Variants in MGRN1 observed in about 807,000 individuals in gnomAD.
MGRN1 encodes mahogunin ring finger 1.
In MGRN1, 29 loss-of-function variants were observed where a neutral mutation model predicts 69.2. That is an observed-to-expected ratio of 0.42 (90% CI 0.31 to 0.57). The LOEUF (loss-of-function observed/expected upper bound fraction) is 0.57, where lower values mean the gene tolerates loss of function less well. Ranked by LOEUF, MGRN1 falls within the 20% of genes least tolerant of loss-of-function variation. The probability of loss-of-function intolerance (pLI) is 0.15; values close to 1 mark genes in which losing one functional copy is unlikely to be tolerated. For synonymous variants in MGRN1, 470 were observed against 344.2 expected, an observed-to-expected ratio of 1.37 and a Z score of -4.04; for missense variants, 998 against 796.2, an observed-to-expected ratio of 1.25 and a Z score of -3.05.
chr16:4,683,735 C>T (rs1436350461), intron 15 of MGRN1, 108 bp from the exon 16 acceptor site: 1 of 924,784 alleles, frequency 1.1e-6, no homozygotes. Flanking sequence ...CTGGGGTCCC[C>T]ACAGTGGCTA....
chr16:4,635,898 C>T (rs1020690895), intron 1 of MGRN1, among the ~76,000 whole-genome samples: 4 of 150,738 alleles, frequency 2.7e-5, no homozygotes, highest in South Asian at 2.1e-4. Context: ...CTGCCTGCCT[C>T]AGCCTCCAGA....
chr16:4,681,410 A>G, intron 12 of MGRN1, 140 bp from the exon 13 acceptor site: 1 of 739,114 alleles, frequency 1.4e-6, no homozygotes, highest in African/African-American at 1.8e-5. Context: ...CGGTGCTGCC[A>G]GGGAGCTCTT....
intron 1 of MGRN1, among the ~76,000 whole-genome samples, chr16:4,632,947 G>T (rs1833511856): frequency 6.6e-6 from 1 of 152,166 alleles, no homozygotes; most frequent in Admixed American, 6.5e-5. Flanking sequence ...TCTGGGTGTG[G>T]TGGCGTCCAC....
intron 1 of MGRN1, among the ~76,000 whole-genome samples, chr16:4,626,521 C>G (rs1019158985): frequency 2.0e-5 from 3 of 152,192 alleles, no homozygotes; most frequent in African/African-American, 7.2e-5. Context: ...CAGAACCACA[C>G]CTGGCTCAGA....
chr16:4,647,841 G>A (rs1567186669), intron 1 of MGRN1, among the ~76,000 whole-genome samples: 1 of 152,058 alleles, frequency 6.6e-6, no homozygotes, highest in Non-Finnish European at 1.5e-5. Context: ...GGGTTAGGTG[G>A]GGCTGCGGCT....
intron 1 of MGRN1, among the ~76,000 whole-genome samples, chr16:4,627,329 A>T (rs985556744): frequency 2.0e-5 from 3 of 152,226 alleles, no homozygotes; most frequent in Non-Finnish European, 4.4e-5. Flanking sequence ...TTCTTAAGGG[A>T]ACTTTCAGCA....
chr16:4,655,005 C>T (rs2078499988), intron 4 of MGRN1, among the ~76,000 whole-genome samples: 1 of 152,216 alleles, frequency 6.6e-6, no homozygotes, highest in African/African-American at 2.4e-5. Flanking sequence ...TGTGCTATGA[C>T]AGGCGTCGAA....
At chr16:4,639,123 G>A (rs955787512) in intron 1 of MGRN1, among the ~76,000 whole-genome samples, 5 of 152,196 alleles carry the variant, frequency 3.3e-5, no homozygotes, top group African/African-American at 9.7e-5. Context: ...CATTCATTAG[G>A]TGAGTGTTCA....
chr16:4,687,873 G>T, intron 16 of MGRN1: 2 of 985,472 alleles, frequency 2.0e-6, no homozygotes, highest in Non-Finnish European at 2.4e-6. Flanking sequence ...GTCTTCTTGA[G>T]CCCAGCGAGT....
At chr16:4,648,794 G>C (rs112320109) in intron 1 of MGRN1, among the ~76,000 whole-genome samples, 5 of 114,708 alleles carry the variant, frequency 4.4e-5, no homozygotes, top group African/African-American at 1.3e-4. Context: ...GGTCACCCGG[G>C]TCCTCCTCCC....
Position 4,688,889 on chromosome 16 carries a change from C to T in MGRN1, c.1712C>T (p.Ala571Val), listed in dbSNP as rs774168921. 1.8e-5 allele frequency: 28 copies of T among 1,549,246 alleles called. No homozygotes were observed. Among genetic ancestry groups the T allele is most frequent in the Non-Finnish European group, 2.4e-5 (27 of 1,145,360 alleles). The change falls in exon 17 of 17, where the codon GCC (alanine) becomes GTC (valine). Residue 571 changes from alanine to valine, a missense_variant. By Grantham distance (64) the Ala-to-Val change is moderately conservative. Transcript: ENST00000262370. ...GGCCCCAGCCCCGATCCCAGCGCCGCCGAGCTGACCCCACTCTGAGAGCCT... is the reference window on the plus strand; with the variant it reads ...GGCCCCAGCCCCGATCCCAGCGCCGTCGAGCTGACCCCACTCTGAGAGCCT... ...LGGPSPDPSA[A>V]ELTPL
chr16:4,656,090 C>T (rs560290814), intron 4 of MGRN1, among the ~76,000 whole-genome samples: 39 of 152,188 alleles, frequency 2.6e-4, no homozygotes, highest in Non-Finnish European at 5.0e-4. Flanking sequence ...GCCTGTGGAG[C>T]CCTGGCCACA....
chr16:4,682,990 C>T (rs964771406), intron 14 of MGRN1, 44 bp downstream of exon 14: 1 of 1,502,538 alleles, frequency 6.7e-7, no homozygotes, highest in Non-Finnish European at 8.9e-7. Flanking sequence ...CCCGGGCCAG[C>T]CCTCCTCCAG....
chr16:4,654,327 G>A (rs2078481111), intron 4 of MGRN1, among the ~76,000 whole-genome samples: 1 of 152,206 alleles, frequency 6.6e-6, no homozygotes, highest in Non-Finnish European at 1.5e-5. Flanking sequence ...TCTGTGTCAG[G>A]AACTGGGGCT....
At chr16:4,670,726 A>G (rs1044157163) in intron 8 of MGRN1, among the ~76,000 whole-genome samples, 1 of 152,044 alleles carries the variant, frequency 6.6e-6, no homozygotes, top group African/African-American at 2.4e-5. Flanking sequence ...AGAGAGGTGC[A>G]GCAAACTCTA....
intron 16 of MGRN1, chr16:4,686,248 T>C: frequency 1.3e-6 from 2 of 1,542,166 alleles, no homozygotes; most frequent in Non-Finnish European, 1.7e-6. Flanking sequence ...TCTCTCCCCC[T>C]CTCCGCGCAG....
At chr16:4,659,717 A>T (rs1250990818) in intron 5 of MGRN1, among the ~76,000 whole-genome samples, 1 of 152,244 alleles carries the variant, frequency 6.6e-6, no homozygotes, top group Non-Finnish European at 1.5e-5. Flanking sequence ...TCAAGGTGCT[A>T]TCCTTGTCAG....
rs946962297 is a variant in MGRN1, at chr16:4,682,810, C to G, written c.1359-13C>G. On this transcript the variant is annotated splice_polypyrimidine_tract_variant and intron_variant, in intron 13 of 16. Transcript: ENST00000262370. Reference sequence around the variant, plus strand: ...ATCCTCTCACCCCTGCCCACCCTCTCCTCTGTCCCCAGCACCCTACGGTCC... The same window carrying G: ...ATCCTCTCACCCCTGCCCACCCTCTGCTCTGTCCCCAGCACCCTACGGTCC... The G allele has an allele frequency of 2.6e-6, 4 of 1,550,448 alleles. No individual in the cohort carries two copies. The African/African-American group carries it at 4.1e-5, about 16-fold the overall frequency.
At chr16:4,687,843 C>T in intron 16 of MGRN1, 3 of 985,490 alleles carry the variant, frequency 3.0e-6, no homozygotes, top group Non-Finnish European at 3.6e-6. Flanking sequence ...TGACTGCGCT[C>T]TGCATTCCCA....
Sources: gnomAD v4.1 joint callset for allele counts (sites outside exome capture counted in the v4.1 genomes callset) on GRCh38, gnomAD v4.1.1 for gene constraint, MANE v1.5 for transcripts, NCBI Gene and HGNC (gene_info 2026-07-23, HGNC 2026-07-21) for gene names.